EPN2: variants seen among roughly 807,000 people sequenced by gnomAD.
EPN2 encodes the protein epsin-2.
A neutral mutation model predicts 61.7 loss-of-function variants in EPN2; 34 were observed. That is an observed-to-expected ratio of 0.55 (90% CI 0.42 to 0.73). The LOEUF is 0.73. Among genes scored for constraint, EPN2 ranks in the 30% least tolerant of loss-of-function variants. EPN2 has a pLI of 0.00. For synonymous variants in EPN2, 349 were observed against 353.6 expected, an observed-to-expected ratio of 0.99 and a Z score of 0.15; for missense variants, 714 against 839.2, an observed-to-expected ratio of 0.85 and a Z score of 1.84.
Position 19,335,560 on chromosome 17 carries a change from G to A in EPN2, c.*1306G>A. The A allele has an allele frequency of 7.3e-7, 1 of 1,365,634 alleles. No individual in the cohort carries two copies. The highest frequency in any genetic ancestry group is 9.9e-7 in the Non-Finnish European group (1 of 1,006,214). 84.6% of individuals were successfully genotyped at this position (1,365,634 alleles called of 1,614,324 possible). A position where few individuals can be genotyped will look rare whatever the true frequency, so the allele number is the denominator to read the frequency against. On this transcript the variant is annotated 3_prime_UTR_variant, in exon 11 of 11. Coordinates refer to ENST00000314728, the MANE Select transcript of EPN2 (RefSeq NM_014964.5). ...ATGGCAGTTGTCCCGAGGGCGTGGGGTGGGGGGTGCTTCTGTGCCCACGGG... is the reference window on the plus strand; with the variant it reads ...ATGGCAGTTGTCCCGAGGGCGTGGGATGGGGGGTGCTTCTGTGCCCACGGG...
At chr17:19,281,663 C>T (rs1429049667) in intron 1 of EPN2, among the ~76,000 whole-genome samples, 2 of 152,060 alleles carry the variant, frequency 1.3e-5, no homozygotes, top group South Asian at 4.1e-4. Context: ...GTCAGCTGAC[C>T]GTGTGATTCC....
At chr17:19,325,393 G>T (rs2152237679) in intron 7 of EPN2, among the ~76,000 whole-genome samples, 1 of 152,328 alleles carries the variant, frequency 6.6e-6, no homozygotes, top group East Asian at 1.9e-4. Flanking sequence ...TATTTTCAAA[G>T]ATGTACATTA....
intron 7 of EPN2, among the ~76,000 whole-genome samples, chr17:19,327,459 C>A (rs571151816): frequency 2.6e-4 from 40 of 152,144 alleles, no homozygotes; most frequent in Non-Finnish European, 5.7e-4. Context: ...ATTGCTTGAG[C>A]CCAGGAGTTT....
At position 19,332,033 on chromosome 17, in the gene EPN2, C is replaced by T; in HGVS notation, c.1592C>T (p.Pro531Leu). Residue 531 changes from proline (P) to leucine (L), a missense_variant, in exon 10 of 11, where the codon CCA (proline) becomes CTA (leucine). Pro to Leu is a moderately conservative substitution (Grantham distance 98). This residue lies in a region of EPN2 where 410 missense variants were observed against 421.8 expected (regional missense o/e 0.97). Transcript: ENST00000314728. ...NLDSLVTRPA[P>L]PAQSLNPFLA... Reference sequence around the variant, plus strand: ...GACTCACTGGTGACCAGGCCTGCCCCACCAGCCCAGTCCCTCAACCCTTTC... The same window carrying T: ...GACTCACTGGTGACCAGGCCTGCCCTACCAGCCCAGTCCCTCAACCCTTTC... 3 of 1,612,854 alleles carry T rather than the reference C, an allele frequency of 1.9e-6. No homozygotes were observed. The highest frequency in any genetic ancestry group is 2.5e-6 in the Non-Finnish European group (3 of 1,179,968).
At chr17:19,269,753 G>A (rs1334276063) in intron 1 of EPN2, among the ~76,000 whole-genome samples, 1 of 152,172 alleles carries the variant, frequency 6.6e-6, no homozygotes, top group African/African-American at 2.4e-5. Context: ...GCATCTACAC[G>A]TGGTTGACTT....
chr17:19,324,473 A>G (rs1001851061), intron 7 of EPN2, among the ~76,000 whole-genome samples: 3 of 152,124 alleles, frequency 2.0e-5, no homozygotes, highest in African/African-American at 7.2e-5. Flanking sequence ...AGCTGGGACT[A>G]CGGGCATGTG....
At chr17:19,273,582 T>G (rs1420084436) in intron 1 of EPN2, among the ~76,000 whole-genome samples, 2 of 152,178 alleles carry the variant, frequency 1.3e-5, no homozygotes, top group Non-Finnish European at 2.9e-5. Context: ...CAGGCTAGAT[T>G]TGAACTCCTG....
chr17:19,255,968 T>C (rs1381390598), intron 1 of EPN2, among the ~76,000 whole-genome samples: 1 of 151,940 alleles, frequency 6.6e-6, no homozygotes, highest in African/African-American at 2.4e-5. Context: ...GACGGAGTCT[T>C]GGTCTGTTAC....
intron 1 of EPN2, among the ~76,000 whole-genome samples, chr17:19,278,753 A>T (rs2045333142): frequency 6.6e-6 from 1 of 152,158 alleles, no homozygotes; most frequent in Admixed American, 6.5e-5. Flanking sequence ...GGTTGAAGCG[A>T]TTCTCATGCC....
At chr17:19,295,222 C>T (rs1026929925) in intron 4 of EPN2, among the ~76,000 whole-genome samples, 14 of 152,070 alleles carry the variant, frequency 9.2e-5, no homozygotes, top group African/African-American at 3.4e-4. Flanking sequence ...AGGAAAGGTG[C>T]TCAGAACATA....
intron 4 of EPN2, among the ~76,000 whole-genome samples, chr17:19,297,989 C>A (rs1036957628): frequency 6.6e-6 from 1 of 152,126 alleles, no homozygotes; most frequent in Non-Finnish European, 1.5e-5. Context: ...GATTCTTTTG[C>A]CCCAGCCTCC....
intron 8 of EPN2, chr17:19,329,311 G>T: frequency 2.1e-6 from 1 of 485,748 alleles, no homozygotes; most frequent in South Asian, 3.7e-5. Flanking sequence ...TGGGGTGAGG[G>T]TGTTAGAAGC....
intron 4 of EPN2, among the ~76,000 whole-genome samples, chr17:19,296,019 C>G (rs1269550493): frequency 6.6e-6 from 1 of 152,194 alleles, no homozygotes; most frequent in Non-Finnish European, 1.5e-5. Context: ...TTAGTCTCCT[C>G]CTGCTGACTG....
chr17:19,260,891 C>T (rs1419780825), intron 1 of EPN2, among the ~76,000 whole-genome samples: 1 of 152,110 alleles, frequency 6.6e-6, no homozygotes, highest in East Asian at 1.9e-4. Flanking sequence ...TGTTCTTCAT[C>T]TTGTGCTTTT....
chr17:19,313,560 T>G (rs1471331101), intron 7 of EPN2: 2 of 375,352 alleles, frequency 5.3e-6, no homozygotes, highest in Non-Finnish European at 9.6e-6. Context: ...GTGCCTTCTC[T>G]GGGACATGTT....
In EPN2 at chr17:19,310,021, A is replaced by C. The variant is rs759017700; in HGVS notation, c.879+24A>C. ...AGGTCAGTGCCCCAGGCAGGTCTGCACTGCATTGACTGCCCATGCTCAGGG... is the reference window on the plus strand; with the variant it reads ...AGGTCAGTGCCCCAGGCAGGTCTGCCCTGCATTGACTGCCCATGCTCAGGG... On this transcript the variant is annotated intron_variant, in intron 5 of 10. Transcript: ENST00000314728. The C allele has an allele frequency of 2.6e-6, 4 of 1,515,088 alleles. No homozygotes were observed. In the South Asian group the frequency reaches 4.5e-5, roughly 17 times the overall value. 93.9% of individuals were successfully genotyped at this position (1,515,088 alleles called of 1,614,324 possible). A position where few individuals can be genotyped will look rare whatever the true frequency, so the allele number is the denominator to read the frequency against.
chr17:19,318,041 T>A (rs1906469409), intron 7 of EPN2, among the ~76,000 whole-genome samples: 1 of 152,230 alleles, frequency 6.6e-6, no homozygotes, highest in African/African-American at 2.4e-5. Flanking sequence ...TTGTATAGTC[T>A]GAATTCAGCC....
chr17:19,300,994 T>C (rs1905479480), intron 4 of EPN2, among the ~76,000 whole-genome samples: 1 of 152,094 alleles, frequency 6.6e-6, no homozygotes, highest in African/African-American at 2.4e-5. Flanking sequence ...TACTTAGGGA[T>C]GAGGATGCGG....
chr17:19,251,672 G>A (rs892609737), intron 1 of EPN2, among the ~76,000 whole-genome samples: 1 of 152,130 alleles, frequency 6.6e-6, no homozygotes, highest in Non-Finnish European at 1.5e-5. Flanking sequence ...GACCTCAGGT[G>A]ATCTGCCCAC....
Sources: allele counts gnomAD v4.1 joint callset (sites outside exome capture counted in the v4.1 genomes callset), GRCh38; gene constraint gnomAD v4.1.1; regional missense constraint gnomAD v4.1.1; transcripts MANE v1.5; gene names NCBI Gene and HGNC (gene_info 2026-07-23, HGNC 2026-07-21).